The following NDUFV2 variants were observed in gnomAD, a reference collection of about 807,000 sequenced individuals.
NDUFV2 encodes NADH dehydrogenase [ubiquinone] flavoprotein 2, mitochondrial.
A neutral mutation model predicts 31.6 loss-of-function variants in NDUFV2; 18 were observed. That is an observed-to-expected ratio of 0.57 (90% CI 0.39 to 0.84). The LOEUF (loss-of-function observed/expected upper bound fraction) is 0.84, where lower values mean the gene tolerates loss of function less well. NDUFV2 is among the 40% of genes least tolerant of loss of function. NDUFV2 has a pLI of 0.00. For missense variants in NDUFV2, 314 were observed against 303.6 expected (o/e 1.03, Z -0.26); for synonymous variants, 83 against 99.8 (o/e 0.83, Z 1.01).
chr18:9,106,153 T>G (rs1232705979), intron 1 of NDUFV2, among the ~76,000 whole-genome samples: 3 of 152,198 alleles, frequency 2.0e-5, no homozygotes, highest in Non-Finnish European at 4.4e-5. Context: ...AGCCAGAGAT[T>G]TCCGTAGAAT....
At chr18:9,124,253 C>T (rs2077966711) in intron 5 of NDUFV2, among the ~76,000 whole-genome samples, 1 of 148,194 alleles carries the variant, frequency 6.7e-6, no homozygotes, top group South Asian at 2.2e-4. Context: ...GTAGCACAAT[C>T]ATGACTACTG....
intron 1 of NDUFV2, among the ~76,000 whole-genome samples, chr18:9,117,205 T>C (rs2077902788): frequency 6.6e-6 from 1 of 151,882 alleles, no homozygotes; most frequent in Non-Finnish European, 1.5e-5. Flanking sequence ...CCCAGCTAAT[T>C]TTTGTGTTCT....
Position 9,102,761 on chromosome 18 carries a change from G to A in NDUFV2, c.18G>A (p.Ala6=), listed in dbSNP as rs1185074925. 7 of 1,587,296 alleles carry A rather than the reference G, an allele frequency of 4.4e-6. No homozygotes were observed. In the South Asian group the frequency reaches 6.9e-5, roughly 16 times the overall value. ...GGCCCGCCATGTTCTTCTCCGCGGCGCTCCGGGCCCGGGCGGCTGGCCTCA... is the reference window on the plus strand; with the variant it reads ...GGCCCGCCATGTTCTTCTCCGCGGCACTCCGGGCCCGGGCGGCTGGCCTCA... The part of the protein sequence containing the change: MFFSA[A]LRARAAGLTA... The change falls in exon 1 of 8, where the codon GCG becomes GCA. Residue 6 remains alanine, a synonymous_variant. Transcript: ENST00000318388.
intron 7 of NDUFV2, among the ~76,000 whole-genome samples, chr18:9,130,890 C>T (rs1044809211): frequency 6.6e-6 from 1 of 152,152 alleles, no homozygotes; most frequent in Non-Finnish European, 1.5e-5. Context: ...TTTGTATTAT[C>T]GTTGGTGAAT....
chr18:9,123,117 G>T (rs1422560495), intron 5 of NDUFV2, among the ~76,000 whole-genome samples: 1 of 152,182 alleles, frequency 6.6e-6, no homozygotes, highest in African/African-American at 2.4e-5. Flanking sequence ...TGAAACAGAT[G>T]TTATTACAGT....
At chr18:9,113,383 T>C (rs528677529) in intron 1 of NDUFV2, among the ~76,000 whole-genome samples, 2 of 152,308 alleles carry the variant, frequency 1.3e-5, no homozygotes, top group African/African-American at 4.8e-5. Context: ...TTGACTTTCT[T>C]AAGAACTTTG....
chr18:9,128,876 T>C (rs1173981936), intron 7 of NDUFV2, among the ~76,000 whole-genome samples: 1 of 152,172 alleles, frequency 6.6e-6, no homozygotes, highest in East Asian at 1.9e-4. Context: ...AGATGGCCCC[T>C]CTCTTCTGAT....
At position 9,118,222 on chromosome 18, in the gene NDUFV2, A is replaced by C. The variant is rs975843192; in HGVS notation, c.120+319A>C. Among the ~76,000 whole-genome samples, 5 of 152,100 alleles carry C rather than the reference A, an allele frequency of 3.3e-5. No homozygotes were observed. The East Asian group carries it at 9.6e-4, about 29-fold the overall frequency. ...GCTTACTGAGAGTTTGGAGATTGTA[A>C]CTTGTTGAATCCCAAAATGACACTA... On this transcript the variant is annotated intron_variant, in intron 2 of 7. Coordinates refer to ENST00000318388, the MANE Select transcript of NDUFV2 (RefSeq NM_021074.5).
At chr18:9,127,588 C>T (rs1486648036) in intron 7 of NDUFV2, among the ~76,000 whole-genome samples, 3 of 152,214 alleles carry the variant, frequency 2.0e-5, no homozygotes, top group African/African-American at 7.2e-5. Flanking sequence ...TCCCCTGTCT[C>T]AGCCTCCCGA....
At chr18:9,133,474 T>TCC (rs2143120640) in intron 7 of NDUFV2, 1 of 152,432 alleles carries the variant, frequency 6.6e-6, no homozygotes, top group Admixed American at 6.5e-5. Flanking sequence ...TCAGGACTTG[T>TCC]TCTTGTTTGC....
intron 1 of NDUFV2, among the ~76,000 whole-genome samples, chr18:9,113,327 T>A (rs1324362470): frequency 6.6e-6 from 1 of 152,222 alleles, no homozygotes; most frequent in East Asian, 1.9e-4. Context: ...GATATTTTGA[T>A]AGAAAAAGCA....
In NDUFV2 at chr18:9,102,758, G is replaced by T. The variant is rs746186071; in HGVS notation, c.15G>T (p.Ala5=). Residue 5 remains alanine (A), a synonymous_variant, in exon 1 of 8, where the codon GCG becomes GCT. Transcript: ENST00000318388. ...TGTGGCCCGCCATGTTCTTCTCCGC[G>T]GCGCTCCGGGCCCGGGCGGCTGGCC... MFFS[A]ALRARAAGLT... 5 of 1,587,548 alleles carry T rather than the reference G, an allele frequency of 3.1e-6. No individual in the cohort carries two copies. The African/African-American group carries it at 5.4e-5, about 17-fold the overall frequency.
chr18:9,109,268 G>C (rs967439437), intron 1 of NDUFV2, among the ~76,000 whole-genome samples: 1 of 152,206 alleles, frequency 6.6e-6, no homozygotes. Flanking sequence ...CATCTAAAAG[G>C]TATATTCCTT....
chr18:9,120,478 C>CT (rs1447447133), intron 4 of NDUFV2, among the ~76,000 whole-genome samples: 1 of 152,158 alleles, frequency 6.6e-6, no homozygotes, highest in Non-Finnish European at 1.5e-5. Context: ...ACTTGACTGA[C>CT]TATAACAGAG....
intron 1 of NDUFV2, among the ~76,000 whole-genome samples, chr18:9,106,364 G>T (rs2077842145): frequency 6.6e-6 from 1 of 152,162 alleles, no homozygotes; most frequent in East Asian, 1.9e-4. Context: ...TTGTTCCCCA[G>T]TGCCTTCAGA....
chr18:9,103,954 G>T, intron 1 of NDUFV2: 1 of 512,948 alleles, frequency 1.9e-6, no homozygotes, highest in East Asian at 3.2e-5. Flanking sequence ...TCATATTACA[G>T]ATAAGGAAAA....
At chr18:9,104,015 A>T (rs1053578843) in intron 1 of NDUFV2, 10 of 767,524 alleles carry the variant, frequency 1.3e-5, no homozygotes, top group Non-Finnish European at 2.0e-5. Flanking sequence ...TGTAAGAGGA[A>T]CTTTAAGGTT....
chr18:9,130,583 A>G (rs2078031623), intron 7 of NDUFV2, among the ~76,000 whole-genome samples: 1 of 152,216 alleles, frequency 6.6e-6, no homozygotes, highest in Non-Finnish European at 1.5e-5. Context: ...AGAACTTTTC[A>G]CTTTACTTAC....
In NDUFV2 at chr18:9,125,785, C is replaced by T. The variant is rs540786454; in HGVS notation, c.579+802C>T. ...AAGAAGGGATTTGCTTTGTTTCTCT[C>T]CTGCTCCTGGCAGTACTGCTGGCCC... is the stretch of plus-strand genomic sequence containing the variant. On this transcript the variant is annotated intron_variant, in intron 6 of 7. Transcript: ENST00000318388. 4.6e-5 allele frequency among the ~76,000 whole-genome samples: 7 copies of T among 152,264 alleles called. No homozygotes were observed. In the East Asian group the frequency reaches 1.3e-3, roughly 29 times the overall value.
Sources: allele counts gnomAD v4.1 joint callset (sites outside exome capture counted in the v4.1 genomes callset), GRCh38; gene constraint gnomAD v4.1.1; transcripts MANE v1.5; gene names NCBI Gene and HGNC (gene_info 2026-07-23, HGNC 2026-07-21).